Variants in KALRN observed in about 807,000 individuals in gnomAD.
The protein encoded by KALRN is kalirin RhoGEF kinase.
In KALRN, 70 loss-of-function variants were observed where a neutral mutation model predicts 353.7. The observed-to-expected ratio is 0.20, with a 90% CI of 0.16 to 0.24. KALRN has a LOEUF of 0.24. Ranked by LOEUF, KALRN falls within the 10% of genes least tolerant of loss-of-function variation. The probability of loss-of-function intolerance (pLI) is 1.00; values close to 1 mark genes in which losing one functional copy is unlikely to be tolerated. For missense variants in KALRN, 2,791 were observed against 3,756.7 expected, an observed-to-expected ratio of 0.74 and a Z score of 6.72; for synonymous variants, 1,391 against 1,434.8, an observed-to-expected ratio of 0.97 and a Z score of 0.69.
At chr3:124,693,438 G>C (rs907060010) in intron 51 of KALRN, among the ~76,000 whole-genome samples, 1 of 152,162 alleles carries the variant, frequency 6.6e-6, no homozygotes, top group Non-Finnish European at 1.5e-5. Context: ...CCACCACACT[G>C]CTTGTGTGCA....
chr3:124,370,124 G>A (rs566247219), intron 10 of KALRN, among the ~76,000 whole-genome samples: 2 of 152,290 alleles, frequency 1.3e-5, no homozygotes, highest in East Asian at 1.9e-4. Flanking sequence ...CTTTGTAAGT[G>A]ATGCTACCAG....
intron 51 of KALRN, 109 bp from the exon 52 acceptor site, chr3:124,693,695 G>A (rs563577457): frequency 1.5e-6 from 1 of 651,274 alleles, no homozygotes; most frequent in African/African-American, 1.9e-5. Context: ...TGGGCTCCAG[G>A]CCTCATCTCC....
At chr3:124,270,405 T>C (rs973342673) in intron 5 of KALRN, among the ~76,000 whole-genome samples, 1 of 152,220 alleles carries the variant, frequency 6.6e-6, no homozygotes, top group Admixed American at 6.5e-5. Flanking sequence ...CAAGAAAATT[T>C]ATCAGAATAT....
At chr3:124,605,492 G>A (rs2077238191) in intron 34 of KALRN, among the ~76,000 whole-genome samples, 1 of 151,536 alleles carries the variant, frequency 6.6e-6, no homozygotes, top group African/African-American at 2.4e-5. Flanking sequence ...AGAATTGCTT[G>A]AACCCAGCAG....
intron 56 of KALRN, among the ~76,000 whole-genome samples, chr3:124,701,342 G>A (rs1263901965): frequency 6.6e-6 from 1 of 151,620 alleles, no homozygotes; most frequent in African/African-American, 2.4e-5. Context: ...TAATGCCTGA[G>A]AAGAGCGGGA....
chr3:124,396,567 T>C (rs2090185650), intron 12 of KALRN, among the ~76,000 whole-genome samples: 1 of 152,204 alleles, frequency 6.6e-6, no homozygotes, highest in African/African-American at 2.4e-5. Flanking sequence ...GCTTCGTCTG[T>C]GTAATTAAGG....
Position 124,442,000 on chromosome 3 carries a change from A to G in KALRN, c.3254A>G (p.Asn1085Ser). 2 of 1,608,164 alleles carry G rather than the reference A, an allele frequency of 1.2e-6. No individual in the cohort carries two copies. The highest frequency in any genetic ancestry group is 8.5e-7 in the Non-Finnish European group (1 of 1,175,474). ...AEVFLKYIHRNNVSMPSVASH... is the reference protein window; with the variant it reads ...AEVFLKYIHRSNVSMPSVASH... ...GTGTTTCTCAAGTACATCCACAGGAACAACGTCAGCATGCCCAGTGTCGCC... is the reference window on the plus strand; with the variant it reads ...GTGTTTCTCAAGTACATCCACAGGAGCAACGTCAGCATGCCCAGTGTCGCC... Residue 1085 changes from asparagine (N) to serine (S), a missense_variant, in exon 19 of 60, where the codon AAC becomes AGC. Asn to Ser is a conservative substitution (Grantham distance 46). Transcript: ENST00000682506.
In KALRN at chr3:124,529,667, T is replaced by C. The variant is rs1561229287; in HGVS notation, c.4936-33176T>C. 3.3e-5 allele frequency among the ~76,000 whole-genome samples: 5 copies of C among 152,190 alleles called. No homozygotes were observed. In the East Asian group the frequency reaches 9.7e-4, roughly 29 times the overall value. On this transcript the variant is annotated intron_variant, in intron 33 of 59. Coordinates refer to ENST00000682506, the MANE Select transcript of KALRN (RefSeq NM_001388419.1). ...GTGGTTTGGTCACTGACAATTCAAA[T>C]AATTCTGATAAATGCCAACTCTTCT...
chr3:124,672,735 A>G (rs2086619733), intron 48 of KALRN, among the ~76,000 whole-genome samples: 1 of 152,236 alleles, frequency 6.6e-6, no homozygotes, highest in African/African-American at 2.4e-5. Flanking sequence ...AAATGGGAAA[A>G]GTGCTAGATT....
chr3:124,134,896 G>A (rs993512088), intron 1 of KALRN, among the ~76,000 whole-genome samples: 9 of 152,162 alleles, frequency 5.9e-5, no homozygotes, highest in African/African-American at 9.7e-5. Context: ...GCGTGGATGC[G>A]GTGATCAGGG....
chr3:124,686,798 ATTTTTTTTTTTTTTTTTT>A lies in KALRN; in HGVS notation c.7378-6989_7378-6972del, dbSNP rs10599336. ...CAGCATCTATGCAAACACTGGTGAG[ATTTTTTTTTTTTTTTTTT>A]TTTTTTTTTTTTTTTTGAGACAGGG... On this transcript the variant is annotated intron_variant, in intron 51 of 59. Coordinates refer to ENST00000682506, the MANE Select transcript of KALRN (RefSeq NM_001388419.1). 2.4e-4 allele frequency among the ~76,000 whole-genome samples: 17 copies of A among 70,830 alleles called. 1 individual carries two copies. Among genetic ancestry groups the A allele is most frequent in the South Asian group, 6.1e-4 (1 of 1,644 alleles). The allele number at this position is 70,830 out of a possible 152,430, so 46.5% of individuals were successfully genotyped here. A position where few individuals can be genotyped will look rare whatever the true frequency, so the allele number is the denominator to read the frequency against.
intron 1 of KALRN, among the ~76,000 whole-genome samples, chr3:124,159,428 G>T (rs538940714): frequency 6.6e-6 from 1 of 151,950 alleles, no homozygotes; most frequent in African/African-American, 2.4e-5. Flanking sequence ...GTGCCACCAC[G>T]CCTGACCCAT....
intron 25 of KALRN, among the ~76,000 whole-genome samples, chr3:124,467,887 A>G (rs777791214): frequency 1.3e-5 from 2 of 152,062 alleles, no homozygotes; most frequent in African/African-American, 4.8e-5. Context: ...AGGAAGAGAT[A>G]GAGAAGGAGA....
At chr3:124,075,685 A>G (rs2060226265) in intron 1 of KALRN, among the ~76,000 whole-genome samples, 1 of 152,114 alleles carries the variant, frequency 6.6e-6, no homozygotes. Flanking sequence ...CTAATACTGT[A>G]TTTAAAAATA....
intron 1 of KALRN, among the ~76,000 whole-genome samples, chr3:124,142,211 G>C (rs1920611): frequency 0.28 from 42,412 of 152,090 alleles, 6,452 homozygotes; most frequent in East Asian, 0.46. Flanking sequence ...TCAACTTAGA[G>C]AGCGGATGCC....
At chr3:124,715,940 T>C (rs911910617) in intron 58 of KALRN, among the ~76,000 whole-genome samples, 6 of 152,146 alleles carry the variant, frequency 3.9e-5, no homozygotes, top group Non-Finnish European at 8.8e-5. Context: ...ATCCTCATAA[T>C]CAAATAGGTG....
At chr3:124,410,468 T>C (rs747309538) in intron 13 of KALRN, among the ~76,000 whole-genome samples, 3 of 152,252 alleles carry the variant, frequency 2.0e-5, no homozygotes, top group East Asian at 3.8e-4. Context: ...ATCTAGAATA[T>C]ATTTAGAACT....
rs1178519795 is a variant in KALRN at position 124,484,314 on chromosome 3, G to A, written c.4284+1414G>A. On this transcript the variant is annotated intron_variant, in intron 28 of 59. Coordinates refer to ENST00000682506, the MANE Select transcript of KALRN (RefSeq NM_001388419.1). Reference sequence around the variant, plus strand: ...CCTGGTAGGGTTTTCTGTCCTCTGAGTCAGAGTGGGGCCGTGCCACATCAT... The same window carrying A: ...CCTGGTAGGGTTTTCTGTCCTCTGAATCAGAGTGGGGCCGTGCCACATCAT... 2.6e-5 allele frequency among the ~76,000 whole-genome samples: 4 copies of A among 152,182 alleles called. No homozygotes were observed. The East Asian group carries it at 7.7e-4, about 29-fold the overall frequency.
At chr3:124,556,622 G>A (rs935923706) in intron 33 of KALRN, among the ~76,000 whole-genome samples, 1 of 152,064 alleles carries the variant, frequency 6.6e-6, no homozygotes, top group East Asian at 1.9e-4. Context: ...CTGTCTATCC[G>A]CTCCCCCATT....
Sources: gnomAD v4.1 joint callset for allele counts (sites outside exome capture counted in the v4.1 genomes callset) on GRCh38, gnomAD v4.1.1 for gene constraint, MANE v1.5 for transcripts, NCBI Gene and HGNC (gene_info 2026-07-23, HGNC 2026-07-21) for gene names.